NOL9: variants seen among roughly 807,000 people sequenced by gnomAD.
NOL9 encodes the protein polynucleotide 5'-hydroxyl-kinase NOL9.
Under a neutral mutation model 67.9 loss-of-function variants are expected in NOL9, and 28 were observed. The observed-to-expected ratio is 0.41, with a 90% CI of 0.31 to 0.57. The LOEUF (loss-of-function observed/expected upper bound fraction) is 0.57. Ranked by LOEUF, NOL9 falls within the 20% of genes least tolerant of loss-of-function variation. The pLI, the probability that NOL9 is intolerant of heterozygous loss-of-function variation, is 0.25. For synonymous variants in NOL9, 356 were observed against 352.2 expected (o/e 1.01, Z -0.12); for missense variants, 777 against 897.0 (o/e 0.87, Z 1.71).
At chr1:6,536,872 C>T (rs887485522) in intron 6 of NOL9, among the ~76,000 whole-genome samples, 1 of 152,088 alleles carries the variant, frequency 6.6e-6, no homozygotes. Flanking sequence ...ATGGCAGGAT[C>T]AGGCATGGTG....
Position 6,532,471 on chromosome 1 carries a change from T to C in NOL9, c.1527A>G (p.Pro509=). ...AAATGAGGGTTAGTTACCTATTTCT[T>C]GGAGTTATTCTGAATGCAAAGTCTG... The part of the protein sequence containing the change: ...VYTDFAFRIT[P]RNRESHNKIL... The change falls in exon 8 of 12, where the codon CCA becomes CCG. Residue 509 remains proline (P), a synonymous_variant. Coordinates refer to ENST00000377705, the MANE Select transcript of NOL9 (RefSeq NM_024654.5). 6.2e-7 allele frequency: 1 copy of C among 1,605,690 alleles called. No individual in the cohort carries two copies. The highest frequency in any genetic ancestry group is 1.3e-5 in the African/African-American group (1 of 74,726).
At position 6,525,530 on chromosome 1, in the gene NOL9, T is replaced by G; in HGVS notation, c.*324A>C. On this transcript the variant is annotated 3_prime_UTR_variant, in exon 12 of 12. Coordinates refer to ENST00000377705, the MANE Select transcript of NOL9 (RefSeq NM_024654.5). ...ATTGTAATGGCCCCAGTTTCCTTAT[T>G]TTTATCCTGATTCTAATAACCAGGT... 3.6e-6 allele frequency: 1 copy of G among 280,024 alleles called. No individual in the cohort carries two copies. The highest frequency in any genetic ancestry group is 6.7e-6 in the Non-Finnish European group (1 of 148,488). 17.3% of individuals were successfully genotyped at this position (280,024 alleles called of 1,614,324 possible).
chr1:6,525,747 A>G lies in NOL9; in HGVS notation c.*107T>C, dbSNP rs1638869053. The stretch of plus-strand genomic sequence containing the variant: ...AATTACACAAAAAACACTGTTGCTA[A>G]TAAGGGCACCATTCATGGCCATGAA... On this transcript the variant is annotated 3_prime_UTR_variant, in exon 12 of 12. Transcript: ENST00000377705. 2.6e-6 allele frequency: 3 copies of G among 1,158,238 alleles called. No homozygotes were observed. The highest frequency in any genetic ancestry group is 4.7e-5 in the East Asian group (2 of 42,556). The allele number at this position is 1,158,238 out of a possible 1,614,324, so 71.7% of individuals were successfully genotyped here.
In NOL9 at chr1:6,545,191, C is replaced by T; in HGVS notation, c.745-11G>A. On this transcript the variant is annotated splice_polypyrimidine_tract_variant and intron_variant, in intron 3 of 11. Coordinates refer to ENST00000377705, the MANE Select transcript of NOL9 (RefSeq NM_024654.5). ...CTGGGGAGTTGGACTCTGAAATCAA[C>T]AATTTAAACTTTAAGGTGAAAAAAT... 1 of 1,603,198 alleles carries T rather than the reference C, an allele frequency of 6.2e-7. No individual in the cohort carries two copies. Among genetic ancestry groups the T allele is most frequent in the East Asian group, 2.2e-5 (1 of 44,822 alleles).
At chr1:6,549,064 CAGAG>C (rs1167882115) in intron 3 of NOL9, among the ~76,000 whole-genome samples, 3 of 151,788 alleles carry the variant, frequency 2.0e-5, no homozygotes, top group Non-Finnish European at 2.9e-5. Flanking sequence ...AGCCTGGCAA[CAGAG>C]AGAGAGTCCA....
Position 6,536,989 on chromosome 1 carries a change from T to C in NOL9, c.1076-3548A>G, listed in dbSNP as rs564238070. ...GCTAATTAATGCACTCCAGCCTGGG[T>C]GACAGAGTGAGACACTGTCTCTCTC... On this transcript the variant is annotated intron_variant, in intron 6 of 11. Coordinates refer to ENST00000377705, the MANE Select transcript of NOL9 (RefSeq NM_024654.5). 1.4e-4 allele frequency among the ~76,000 whole-genome samples: 22 copies of C among 151,956 alleles called. No homozygotes were observed. The South Asian group carries it at 4.2e-3, about 29-fold the overall frequency.
chr1:6,553,090 G>A (rs1210349507), intron 1 of NOL9, among the ~76,000 whole-genome samples: 1 of 152,212 alleles, frequency 6.6e-6, no homozygotes, highest in African/African-American at 2.4e-5. Context: ...GGGACTACAG[G>A]CCTGAGCCAC....
intron 6 of NOL9, among the ~76,000 whole-genome samples, chr1:6,533,890 C>CTT (rs571588894): frequency 1.1e-4 from 15 of 141,744 alleles, no homozygotes; most frequent in Admixed American, 2.8e-4. Context: ...AATTTTCTTT[C>CTT]TTTTTTTTTT....
chr1:6,528,673 G>A (rs1377808538), intron 10 of NOL9, among the ~76,000 whole-genome samples: 1 of 152,212 alleles, frequency 6.6e-6, no homozygotes, highest in African/African-American at 2.4e-5. Context: ...TGTGTTGGAG[G>A]ACACTGCAAA....
At position 6,532,451 on chromosome 1, in the gene NOL9, A is replaced by T; in HGVS notation, c.1535+12T>A. On this transcript the variant is annotated intron_variant, in intron 8 of 11. Coordinates refer to ENST00000377705, the MANE Select transcript of NOL9 (RefSeq NM_024654.5). ...GGAAAAATAATTCTTCAGCCAAATG[A>T]GGGTTAGTTACCTATTTCTTGGAGT... is the stretch of plus-strand genomic sequence containing the variant. 1.3e-6 allele frequency: 2 copies of T among 1,594,444 alleles called. No individual in the cohort carries two copies. The highest frequency in any genetic ancestry group is 3.5e-5 in the Admixed American group (2 of 57,244).
At position 6,554,416 on chromosome 1, in the gene NOL9, G is replaced by A. The variant is rs780695971; in HGVS notation, c.87C>T (p.Leu29=). Residue 29 remains leucine, a synonymous_variant, in exon 1 of 12, where the codon CTC becomes CTT. Transcript: ENST00000377705. The part of the protein sequence containing the change: ...RVRKARPQLI[L]SRRPRRRLGS... The stretch of plus-strand genomic sequence containing the variant: ...CGAGCCGGCGGCGGGGCCGGCGGCT[G>A]AGGATGAGCTGGGGCCGGGCCTTGC... The A allele has an allele frequency of 1.4e-5, 21 of 1,524,606 alleles. No individual in the cohort carries two copies. In the African/African-American group the frequency reaches 2.9e-4, roughly 21 times the overall value. 94.4% of individuals were successfully genotyped at this position (1,524,606 alleles called of 1,614,324 possible).
chr1:6,532,742 A>T lies in NOL9; in HGVS notation c.1256T>A (p.Leu419His). ...GWVSDQGLLL[L>H]IDLIRLLSPS... ...AGACAGCAATCGGATCAGATCAATG[A>T]GAAGCAGGAGCCCCTGGTCTGTGGG... Residue 419 changes from leucine to histidine, a missense_variant, in exon 8 of 12, where the codon CTC becomes CAC. Leu to His is a moderately conservative substitution (Grantham distance 99). Around this residue, in one of 2 missense-constraint regions of NOL9, gnomAD observed 413 missense variants for 552.6 expected, o/e 0.75. Transcript: ENST00000377705. The T allele has an allele frequency of 6.2e-7, 1 of 1,612,666 alleles. No individual in the cohort carries two copies. Among genetic ancestry groups the T allele is most frequent in the Non-Finnish European group, 8.5e-7 (1 of 1,178,806 alleles).
In NOL9 at chr1:6,521,920, A is replaced by G. The variant is rs1207256575; in HGVS notation, c.*3934T>C. 1 of 152,260 alleles carries G rather than the reference A, an allele frequency of 6.6e-6. No homozygotes were observed. Among genetic ancestry groups the G allele is most frequent in the Non-Finnish European group, 1.5e-5 (1 of 68,062 alleles). 9.4% of individuals were successfully genotyped at this position (152,260 alleles called of 1,614,324 possible). ...AGGACAATTACCCAATCTTCAAAACATAAAACAGGCTCAGGCTAAGCATCT... is the reference window on the plus strand; with the variant it reads ...AGGACAATTACCCAATCTTCAAAACGTAAAACAGGCTCAGGCTAAGCATCT... On this transcript the variant is annotated 3_prime_UTR_variant, in exon 12 of 12. Transcript: ENST00000377705.
intron 3 of NOL9, among the ~76,000 whole-genome samples, chr1:6,546,665 T>C (rs530299135): frequency 2.0e-4 from 31 of 152,152 alleles, no homozygotes; most frequent in Non-Finnish European, 3.8e-4. Flanking sequence ...CCAACTTACA[T>C]AGTTCCAGCA....
intron 1 of NOL9, among the ~76,000 whole-genome samples, chr1:6,553,589 C>T (rs923277869): frequency 4.6e-5 from 7 of 151,642 alleles, no homozygotes; most frequent in African/African-American, 1.7e-4. Context: ...CACCTGTAAT[C>T]CCAGCACTTT....
At chr1:6,530,134 A>C (rs1638988664) in intron 9 of NOL9, among the ~76,000 whole-genome samples, 1 of 152,128 alleles carries the variant, frequency 6.6e-6, no homozygotes, top group Non-Finnish European at 1.5e-5. Context: ...TCCAAAAAAA[A>C]AGAAACAAAA....
chr1:6,522,055 A>G lies in NOL9; in HGVS notation c.*3799T>C, dbSNP rs1051772266. On this transcript the variant is annotated 3_prime_UTR_variant, in exon 12 of 12. Coordinates refer to ENST00000377705, the MANE Select transcript of NOL9 (RefSeq NM_024654.5). ...ATCTTGCCATCCAAACCCAAAAACAAATGACCTAGGCCGGGCGCGGTGGCT... is the reference window on the plus strand; with the variant it reads ...ATCTTGCCATCCAAACCCAAAAACAGATGACCTAGGCCGGGCGCGGTGGCT... 1.3e-5 allele frequency: 2 copies of G among 152,200 alleles called. No individual in the cohort carries two copies. Among genetic ancestry groups the G allele is most frequent in the African/African-American group, 4.8e-5 (2 of 41,442 alleles). 9.4% of individuals were successfully genotyped at this position (152,200 alleles called of 1,614,324 possible).
chr1:6,554,096 C>T lies in NOL9; in HGVS notation c.396+11G>A, dbSNP rs572351368. 4.0e-6 allele frequency: 6 copies of T among 1,517,966 alleles called. No individual in the cohort carries two copies. Among genetic ancestry groups the T allele is most frequent in the Non-Finnish European group, 4.4e-6 (5 of 1,132,742 alleles). 94.0% of individuals were successfully genotyped at this position (1,517,966 alleles called of 1,614,324 possible). ...TGCCCTCGGGGACTACTACCGGCGC[C>T]CCCCACCTACCTGCTCGACCGGCAG... On this transcript the variant is annotated intron_variant, in intron 1 of 11. Coordinates refer to ENST00000377705, the MANE Select transcript of NOL9 (RefSeq NM_024654.5).
At chr1:6,539,570 T>C (rs1482022692) in intron 6 of NOL9, among the ~76,000 whole-genome samples, 1 of 152,180 alleles carries the variant, frequency 6.6e-6, no homozygotes, top group Non-Finnish European at 1.5e-5. Flanking sequence ...CTGCAGCCTC[T>C]ACCTCCCAGG....
Sources: allele counts gnomAD v4.1 joint callset (sites outside exome capture counted in the v4.1 genomes callset), GRCh38; gene constraint gnomAD v4.1.1; regional missense constraint gnomAD v4.1.1; transcripts MANE v1.5; gene names NCBI Gene and HGNC (gene_info 2026-07-23, HGNC 2026-07-21).